The following PDE8A variants were observed in gnomAD, a reference collection of about 807,000 sequenced individuals.
The protein encoded by PDE8A is high affinity cAMP-specific and IBMX-insensitive 3',5'-cyclic phosphodiesterase 8A.
A neutral mutation model predicts 105.0 loss-of-function variants in PDE8A; 59 were observed. The observed-to-expected ratio is 0.56, with a 90% CI of 0.46 to 0.70. PDE8A has a LOEUF of 0.70. PDE8A is among the 30% of genes least tolerant of loss of function. The pLI is 0.00. For synonymous variants in PDE8A, 355 were observed against 371.9 expected, an observed-to-expected ratio of 0.95 and a Z score of 0.52; for missense variants, 1,014 against 1,045.9, an observed-to-expected ratio of 0.97 and a Z score of 0.42.
intron 3 of PDE8A, among the ~76,000 whole-genome samples, chr15:85,072,463 C>T (rs1457620229): frequency 1.3e-5 from 2 of 152,200 alleles, no homozygotes; most frequent in African/African-American, 4.8e-5. Context: ...AAATAGATTG[C>T]ATTCCCTAGT....
intron 1 of PDE8A, chr15:85,064,034 C>T (rs573777292): frequency 3.4e-4 from 73 of 216,402 alleles, no homozygotes; most frequent in African/African-American, 1.6e-3. Context: ...GGGGGGCTCT[C>T]TATATTGTCA....
At chr15:85,033,488 T>C (rs2080650309) in intron 1 of PDE8A, among the ~76,000 whole-genome samples, 1 of 152,100 alleles carries the variant, frequency 6.6e-6, no homozygotes, top group Non-Finnish European at 1.5e-5. Flanking sequence ...TGTGCATATA[T>C]ACACACAGGC....
At chr15:84,992,835 T>C (rs1351874748) in intron 1 of PDE8A, among the ~76,000 whole-genome samples, 2 of 152,198 alleles carry the variant, frequency 1.3e-5, no homozygotes, top group Non-Finnish European at 2.9e-5. Flanking sequence ...TACCAAATGC[T>C]ATTTTTGTAC....
At chr15:85,123,377 C>T (rs1029096192) in intron 19 of PDE8A, among the ~76,000 whole-genome samples, 184 bp downstream of exon 19, 10 of 122,266 alleles carry the variant, frequency 8.2e-5, no homozygotes, top group Non-Finnish European at 1.8e-4. Flanking sequence ...CACACACACA[C>T]ACACACACAA....
chr15:85,051,508 G>T (rs1677271739), intron 1 of PDE8A, among the ~76,000 whole-genome samples: 1 of 152,108 alleles, frequency 6.6e-6, no homozygotes. Context: ...ACTTAGGGAT[G>T]TGCAGGTTTG....
intron 3 of PDE8A, among the ~76,000 whole-genome samples, chr15:85,073,454 C>A (rs1251302028): frequency 6.6e-6 from 1 of 152,294 alleles, no homozygotes; most frequent in Admixed American, 6.5e-5. Flanking sequence ...GTCCTCCCTT[C>A]CACTTTATCC....
intron 20 of PDE8A, among the ~76,000 whole-genome samples, chr15:85,134,520 C>T (rs1480345354): frequency 1.5e-5 from 2 of 135,802 alleles, no homozygotes; most frequent in Non-Finnish European, 1.5e-5. Flanking sequence ...CCACAGCCAG[C>T]GGATGCTGGG....
chr15:85,045,738 G>A (rs1393732999), intron 1 of PDE8A, among the ~76,000 whole-genome samples: 3 of 152,114 alleles, frequency 2.0e-5, no homozygotes, highest in Non-Finnish European at 4.4e-5. Flanking sequence ...CAAGTGTCTG[G>A]ATTTAGACTC....
intron 14 of PDE8A, among the ~76,000 whole-genome samples, chr15:85,114,429 G>A (rs981026137): frequency 2.0e-5 from 3 of 152,176 alleles, no homozygotes; most frequent in African/African-American, 7.2e-5. Context: ...AAATGGTGCC[G>A]GGGGTGCAAC....
intron 1 of PDE8A, among the ~76,000 whole-genome samples, chr15:84,996,950 T>C (rs140194932): frequency 1.3e-4 from 19 of 151,604 alleles, no homozygotes; most frequent in Non-Finnish European, 1.5e-5. Flanking sequence ...TGTGAAGGCC[T>C]ACGATATTAC....
In PDE8A at chr15:85,105,558, A is replaced by G. The variant is rs2081935674; in HGVS notation, c.1037-3495A>G. Among the ~76,000 whole-genome samples, 4 of 152,110 alleles carry G rather than the reference A, an allele frequency of 2.6e-5. No individual in the cohort carries two copies. The South Asian group carries it at 8.3e-4, about 32-fold the overall frequency. On this transcript the variant is annotated intron_variant, in intron 11 of 21. Transcript: ENST00000394553. ...GGGTACTGATTGGTTATCCTCTCTC[A>G]TCACCCCCACTGTTTTTCCAGGGTT... is the stretch of plus-strand genomic sequence containing the variant.
intron 1 of PDE8A, among the ~76,000 whole-genome samples, chr15:85,023,830 TC>T (rs2080468570): frequency 1.3e-5 from 2 of 152,128 alleles, no homozygotes; most frequent in Non-Finnish European, 2.9e-5. Context: ...TTCCAAGTGT[TC>T]AGGGAAGGAG....
At chr15:85,109,249 C>A in intron 12 of PDE8A, 119 bp downstream of exon 12, 1 of 565,028 alleles carries the variant, frequency 1.8e-6, no homozygotes, top group Non-Finnish European at 3.1e-6. Flanking sequence ...AGGAGGGAAC[C>A]CTCTGGAAAC....
At position 85,066,611 on chromosome 15, in the gene PDE8A, C is replaced by CAT. The variant is rs1163916022; in HGVS notation, c.244-402_244-401insTA. Among the ~76,000 whole-genome samples the CAT allele has an allele frequency of 1.6e-3, 191 of 118,672 alleles. 3 individuals carry two copies. Among genetic ancestry groups the CAT allele is most frequent in the African/African-American group, 9.3e-3 (172 of 18,592 alleles). 77.9% of individuals were successfully genotyped at this position (118,672 alleles called of 152,430 possible). A position where few individuals can be genotyped will look rare whatever the true frequency, so the allele number is the denominator to read the frequency against. ...ACACACACACACACACACACACACACACACACACACACACACACACACACA... is the reference window on the plus strand; with the variant it reads ...ACACACACACACACACACACACACACATACACACACACACACACACACACACA... On this transcript the variant is annotated intron_variant, in intron 2 of 21. Transcript: ENST00000394553.
At chr15:84,987,816 G>A (rs1196659959) in intron 1 of PDE8A, among the ~76,000 whole-genome samples, 1 of 152,004 alleles carries the variant, frequency 6.6e-6, no homozygotes, top group Non-Finnish European at 1.5e-5. Flanking sequence ...CATGATGTGA[G>A]GACACAGGGT....
chr15:85,077,275 C>G (rs1177663457), intron 5 of PDE8A, among the ~76,000 whole-genome samples: 1 of 152,202 alleles, frequency 6.6e-6, no homozygotes, highest in Non-Finnish European at 1.5e-5. Flanking sequence ...ACACAGCTCT[C>G]TTTCTCTCCA....
chr15:85,104,720 T>C (rs1476957728), intron 11 of PDE8A, among the ~76,000 whole-genome samples: 2 of 151,444 alleles, frequency 1.3e-5, no homozygotes, highest in Non-Finnish European at 2.9e-5. Flanking sequence ...GTACAGGGAG[T>C]GGATAGTAAG....
intron 9 of PDE8A, among the ~76,000 whole-genome samples, chr15:85,099,081 A>T (rs1215882202): frequency 7.9e-5 from 12 of 152,254 alleles, no homozygotes; most frequent in Admixed American, 7.8e-4. Context: ...AAAAAAGAAC[A>T]GGAGAAAGTA....
intron 13 of PDE8A, 132 bp downstream of exon 13, chr15:85,113,579 T>G: frequency 1.2e-6 from 1 of 803,152 alleles, no homozygotes; most frequent in Non-Finnish European, 2.2e-6. Context: ...GCTAGTAGCC[T>G]CCTCTGAAGA....
Sources: gnomAD v4.1 joint callset for allele counts (sites outside exome capture counted in the v4.1 genomes callset) on GRCh38, gnomAD v4.1.1 for gene constraint, MANE v1.5 for transcripts, NCBI Gene and HGNC (gene_info 2026-07-23, HGNC 2026-07-21) for gene names.